Variants in NLGN1 observed in about 807,000 individuals in gnomAD.
NLGN1 encodes neuroligin 1.
Under a neutral mutation model 65.5 loss-of-function variants are expected in NLGN1, and 12 were observed. The observed-to-expected ratio is 0.18, with a 90% CI of 0.12 to 0.30. NLGN1 has a LOEUF of 0.30. NLGN1 is among the 10% of genes least tolerant of loss of function. NLGN1 has a pLI of 1.00. For synonymous variants in NLGN1, 350 were observed against 359.5 expected (o/e 0.97, Z 0.30); for missense variants, 750 against 1,007.1 (o/e 0.74, Z 3.46).
intron 1 of NLGN1, among the ~76,000 whole-genome samples, chr3:173,426,735 T>A (rs1305273326): frequency 6.6e-6 from 1 of 152,080 alleles, no homozygotes; most frequent in African/African-American, 2.4e-5. Context: ...TGCTAAAATT[T>A]TGTTGAGGAT....
At chr3:173,798,521 G>T (rs1714674015) in intron 3 of NLGN1, among the ~76,000 whole-genome samples, 1 of 152,066 alleles carries the variant, frequency 6.6e-6, no homozygotes, top group South Asian at 2.1e-4. Context: ...CTATGTTGTT[G>T]CATGAATGTC....
chr3:173,469,461 G>C (rs1312560367), intron 2 of NLGN1, among the ~76,000 whole-genome samples: 1 of 151,942 alleles, frequency 6.6e-6, no homozygotes, highest in Non-Finnish European at 1.5e-5. Context: ...TGCATATTTA[G>C]TTGGCCAATT....
chr3:173,523,922 CTT>C (rs34649982), intron 2 of NLGN1, among the ~76,000 whole-genome samples: 7 of 128,648 alleles, frequency 5.4e-5, no homozygotes, highest in Admixed American at 1.6e-4. Context: ...TCTTTCTTTC[CTT>C]TTTTTTTTTT....
At chr3:173,666,385 T>C (rs576074646) in intron 3 of NLGN1, among the ~76,000 whole-genome samples, 21 of 152,278 alleles carry the variant, frequency 1.4e-4, no homozygotes, top group African/African-American at 3.1e-4. Context: ...CCCCAAAATG[T>C]ATGTCATTTT....
At chr3:173,473,455 T>G (rs933981854) in intron 2 of NLGN1, among the ~76,000 whole-genome samples, 8 of 152,184 alleles carry the variant, frequency 5.3e-5, no homozygotes, top group African/African-American at 1.9e-4. Flanking sequence ...AAAAGATGTT[T>G]AGAATGAATT....
chr3:173,888,338 C>A (rs953308213), intron 4 of NLGN1, among the ~76,000 whole-genome samples: 6 of 151,918 alleles, frequency 3.9e-5, no homozygotes, highest in African/African-American at 1.4e-4. Flanking sequence ...GCATATCCTC[C>A]CCTATACTTT....
chr3:173,875,308 G>A (rs529933421), intron 4 of NLGN1, among the ~76,000 whole-genome samples: 1 of 152,260 alleles, frequency 6.6e-6, no homozygotes, highest in African/African-American at 2.4e-5. Flanking sequence ...TAGAATCTGT[G>A]TCTGGAGCCT....
intron 4 of NLGN1, among the ~76,000 whole-genome samples, chr3:173,935,593 T>TACACAC (rs769538665): frequency 0.037 from 5,347 of 142,692 alleles, 143 homozygotes; most frequent in African/African-American, 0.072. Flanking sequence ...ATATACAGTC[T>TACACAC]ACACACACAC....
At chr3:173,548,234 T>C (rs560115314) in intron 2 of NLGN1, among the ~76,000 whole-genome samples, 2 of 152,254 alleles carry the variant, frequency 1.3e-5, no homozygotes, top group East Asian at 3.9e-4. Flanking sequence ...AAATAGGGGC[T>C]GTAAATCTAT....
intron 4 of NLGN1, among the ~76,000 whole-genome samples, chr3:174,012,129 G>A (rs897392472): frequency 5.9e-5 from 9 of 152,242 alleles, no homozygotes; most frequent in Admixed American, 2.0e-4. Flanking sequence ...ATGACAATGA[G>A]TCTGTGCTGC....
chr3:173,736,169 A>G (rs1773707905), intron 3 of NLGN1, among the ~76,000 whole-genome samples: 1 of 152,068 alleles, frequency 6.6e-6, no homozygotes, highest in African/African-American at 2.4e-5. Context: ...ATTCGTTTCT[A>G]GCTTTATGTT....
rs114064556 is a variant in NLGN1, at chr3:174,233,733, A to C, written c.647-41582A>C. ...ATGGAGTCACTTTTGTCTCCACAGC[A>C]TCTTTTTTGGGTCAAAGAATTGACT... On this transcript the variant is annotated intron_variant, in intron 4 of 6. Coordinates refer to ENST00000457714, the Ensembl canonical transcript of NLGN1. Among the ~76,000 whole-genome samples the C allele has an allele frequency of 9.8e-3, 1,492 of 152,192 alleles. 17 individuals carry two copies. The highest frequency in any genetic ancestry group is 0.034 in the African/African-American group (1,398 of 41,542).
At chr3:174,107,017 C>CACAGAGAG (rs773314392) in intron 4 of NLGN1, among the ~76,000 whole-genome samples, 67 of 97,684 alleles carry the variant, frequency 6.9e-4, no homozygotes, top group South Asian at 4.2e-3. Flanking sequence ...CACACACACA[C>CACAGAGAG]AGAGAGAGAG....
chr3:173,835,580 T>TACACACACACACACAC lies in NLGN1; in HGVS notation c.646+27763_646+27778dup, dbSNP rs57183549. ...ATGGATAATAATATGTTCAAACACA[T>TACACACACACACACAC]ACACACACACACACACACACACACA... On this transcript the variant is annotated intron_variant, in intron 4 of 6. Transcript: ENST00000457714. Among the ~76,000 whole-genome samples, 532 of 146,488 alleles carry TACACACACACACACAC rather than the reference T, an allele frequency of 3.6e-3. 1 individual carries two copies. The highest frequency in any genetic ancestry group is 0.026 in the South Asian group (116 of 4,546).
At chr3:173,840,025 AC>A (rs1724485815) in intron 4 of NLGN1, among the ~76,000 whole-genome samples, 1 of 152,188 alleles carries the variant, frequency 6.6e-6, no homozygotes, top group Non-Finnish European at 1.5e-5. Context: ...TTCCAGCTTA[AC>A]CACTGTGCTA....
At chr3:174,136,222 A>C (rs1484011642) in intron 4 of NLGN1, among the ~76,000 whole-genome samples, 1 of 152,170 alleles carries the variant, frequency 6.6e-6, no homozygotes, top group Non-Finnish European at 1.5e-5. Flanking sequence ...TGGAATGTTC[A>C]CATTAATATT....
At chr3:174,239,318 G>T (rs143341444) in intron 4 of NLGN1, among the ~76,000 whole-genome samples, 2 of 151,908 alleles carry the variant, frequency 1.3e-5, no homozygotes, top group Non-Finnish European at 2.9e-5. Flanking sequence ...ATCCTCCCAC[G>T]TCGGCTTCCC....
At chr3:174,272,584 A>G (rs533479464) in intron 4 of NLGN1, among the ~76,000 whole-genome samples, 1 of 151,476 alleles carries the variant, frequency 6.6e-6, no homozygotes, top group African/African-American at 2.4e-5. Context: ...AGTTTTTCCT[A>G]ATATAAAACC....
intron 4 of NLGN1, among the ~76,000 whole-genome samples, chr3:173,867,168 C>A (rs1052340884): frequency 2.0e-5 from 3 of 151,956 alleles, no homozygotes; most frequent in Admixed American, 2.0e-4. Context: ...AAAATGTAAC[C>A]CCCTCCTAAC....
Sources: gnomAD v4.1 joint callset for allele counts (sites outside exome capture counted in the v4.1 genomes callset) on GRCh38, gnomAD v4.1.1 for gene constraint, MANE v1.5 for transcripts, NCBI Gene and HGNC (gene_info 2026-07-23, HGNC 2026-07-21) for gene names.